Variants in SAMSN1 observed in about 807,000 individuals in gnomAD.
The protein encoded by SAMSN1 is SAM domain-containing protein SAMSN-1.
In SAMSN1, 31 loss-of-function variants were observed where a neutral mutation model predicts 42.0. The ratio of observed to expected loss-of-function variants is 0.74; its 90% confidence interval spans 0.55 to 1.00. SAMSN1 has a LOEUF of 1.00. SAMSN1 is among the 50% of genes least tolerant of loss of function. The pLI is 0.00. For synonymous variants in SAMSN1, 178 were observed against 151.9 expected, an observed-to-expected ratio of 1.17 and a Z score of -1.26; for missense variants, 464 against 439.4, an observed-to-expected ratio of 1.06 and a Z score of -0.50.
intron 2 of SAMSN1, among the ~76,000 whole-genome samples, chr21:14,553,112 A>G (rs547096361): frequency 1.3e-5 from 2 of 151,864 alleles, no homozygotes; most frequent in South Asian, 2.1e-4. Context: ...TGATTTATGC[A>G]TTAGGCATTA....
intron 1 of SAMSN1, among the ~76,000 whole-genome samples, chr21:14,543,666 T>A (rs1233074736): frequency 2.0e-5 from 3 of 152,140 alleles, no homozygotes; most frequent in African/African-American, 7.2e-5. Flanking sequence ...GTCCAATAGG[T>A]CACTTGAAAT....
Position 14,510,374 on chromosome 21 carries a change from C to T in SAMSN1, c.497G>A (p.Gly166Asp). 2 of 1,614,134 alleles carry T rather than the reference C, an allele frequency of 1.2e-6. No individual in the cohort carries two copies. The highest frequency in any genetic ancestry group is 1.7e-6 in the Non-Finnish European group (2 of 1,180,004). The change falls in exon 5 of 8, where the codon GGC becomes GAC. Residue 166 changes from glycine to aspartate, a missense_variant. Gly to Asp is a moderately conservative substitution (Grantham distance 94). Coordinates refer to ENST00000400566, the MANE Select transcript of SAMSN1 (RefSeq NM_022136.5). ...DDGPYSGPFC[G>D]RARVHTDFTP... ...GAAATCCGTATGCACTCTGGCACGG[C>T]CACAGAATGGTCCTGAATAGGGGCC...
chr21:14,542,878 T>C (rs1358225806), intron 1 of SAMSN1, among the ~76,000 whole-genome samples: 2 of 151,704 alleles, frequency 1.3e-5, no homozygotes, highest in Non-Finnish European at 2.9e-5. Flanking sequence ...ACCCAGGAGG[T>C]TAGGGTTAGG....
chr21:14,652,396 G>A (rs1375805265), intron 1 of SAMSN1, among the ~76,000 whole-genome samples: 6 of 151,982 alleles, frequency 3.9e-5, no homozygotes, highest in Non-Finnish European at 7.4e-5. Context: ...CACACTTACA[G>A]TGAACTCATT....
intron 1 of SAMSN1, among the ~76,000 whole-genome samples, chr21:14,522,517 T>C (rs2822721): frequency 0.53 from 79,884 of 151,968 alleles, 21,450 homozygotes; most frequent in African/African-American, 0.62. Context: ...TCTATAAAAC[T>C]TTGTACAACA....
chr21:14,628,458 G>A (rs1983239580), intron 2 of SAMSN1, among the ~76,000 whole-genome samples: 2 of 151,868 alleles, frequency 1.3e-5, no homozygotes, highest in Non-Finnish European at 2.9e-5. Context: ...ATTAAAAAAA[G>A]AAAAAGTTCA....
At chr21:14,536,953 G>T (rs1979663483) in intron 1 of SAMSN1, among the ~76,000 whole-genome samples, 1 of 152,184 alleles carries the variant, frequency 6.6e-6, no homozygotes, top group Non-Finnish European at 1.5e-5. Flanking sequence ...CCGTTCCTTT[G>T]TCTGAACCAC....
chr21:14,536,311 A>T (rs1451795144), intron 1 of SAMSN1, among the ~76,000 whole-genome samples: 3 of 152,218 alleles, frequency 2.0e-5, no homozygotes, highest in African/African-American at 7.2e-5. Context: ...CTAAAGAGAT[A>T]AGTGTGTGAC....
intron 6 of SAMSN1, among the ~76,000 whole-genome samples, chr21:14,596,492 C>T (rs571399078): frequency 6.6e-6 from 1 of 152,244 alleles, no homozygotes; most frequent in South Asian, 2.1e-4. Context: ...CTGCCCCTCA[C>T]CCTTAGTGTG....
At chr21:14,504,452 A>G (rs1987312616) in intron 5 of SAMSN1, among the ~76,000 whole-genome samples, 1 of 152,240 alleles carries the variant, frequency 6.6e-6, no homozygotes, top group Non-Finnish European at 1.5e-5. Flanking sequence ...ATAGAAATGC[A>G]AAATGCTCTG....
At chr21:14,626,224 G>A (rs149990383) in intron 2 of SAMSN1, among the ~76,000 whole-genome samples, 2,304 of 152,268 alleles carry the variant, frequency 0.015, 31 homozygotes, top group South Asian at 0.027. Context: ...CATGGGCAAG[G>A]ACTTCATGTC....
At chr21:14,530,891 A>G (rs1041544376) in intron 1 of SAMSN1, among the ~76,000 whole-genome samples, 3 of 152,334 alleles carry the variant, frequency 2.0e-5, no homozygotes, top group African/African-American at 7.2e-5. Context: ...AAGATGGATG[A>G]CTGAAATTTT....
chr21:14,574,141 C>T (rs1190884518), intron 2 of SAMSN1, among the ~76,000 whole-genome samples: 1 of 152,058 alleles, frequency 6.6e-6, no homozygotes, highest in Non-Finnish European at 1.5e-5. Flanking sequence ...AAGAGAGGCT[C>T]TAAGTAAAAA....
chr21:14,493,506 C>T (rs1473220174), intron 7 of SAMSN1, among the ~76,000 whole-genome samples: 1 of 150,240 alleles, frequency 6.7e-6, no homozygotes, highest in East Asian at 2.0e-4. Context: ...CAACAGTAAA[C>T]CAGCTTATTA....
chr21:14,509,318 C>T (rs543731091), intron 5 of SAMSN1, among the ~76,000 whole-genome samples: 9 of 152,194 alleles, frequency 5.9e-5, no homozygotes, highest in Non-Finnish European at 8.8e-5. Flanking sequence ...AACCAAACAT[C>T]GTATGTTCTC....
intron 7 of SAMSN1, among the ~76,000 whole-genome samples, chr21:14,486,910 T>G (rs1986458873): frequency 6.6e-6 from 1 of 152,158 alleles, no homozygotes; most frequent in Non-Finnish European, 1.5e-5. Flanking sequence ...ACAAAATATA[T>G]TTTGGAAGAA....
chr21:14,563,337 G>A (rs1264882674), intron 2 of SAMSN1, among the ~76,000 whole-genome samples: 1 of 151,982 alleles, frequency 6.6e-6, no homozygotes, highest in African/African-American at 2.4e-5. Context: ...GTTTCTAATT[G>A]AATTATATTG....
chr21:14,530,829 T>C (rs746082203), intron 1 of SAMSN1, among the ~76,000 whole-genome samples: 1 of 152,220 alleles, frequency 6.6e-6, no homozygotes, highest in Non-Finnish European at 1.5e-5. Flanking sequence ...GAGCAAATTT[T>C]GCATTACTAA....
chr21:14,567,080 C>A (rs1324244375), intron 2 of SAMSN1, among the ~76,000 whole-genome samples: 2 of 151,984 alleles, frequency 1.3e-5, no homozygotes, highest in Non-Finnish European at 2.9e-5. Flanking sequence ...GAATGCTATG[C>A]CAGGTGCCTT....
Sources: allele counts gnomAD v4.1 joint callset (sites outside exome capture counted in the v4.1 genomes callset), GRCh38; gene constraint gnomAD v4.1.1; transcripts MANE v1.5; gene names NCBI Gene and HGNC (gene_info 2026-07-23, HGNC 2026-07-21).